The following TMEM232 variants were observed in gnomAD, a reference collection of about 807,000 sequenced individuals.
The protein encoded by TMEM232 is transmembrane protein 232.
Under a neutral mutation model 78.8 loss-of-function variants are expected in TMEM232, and 80 were observed. That is an observed-to-expected ratio of 1.01 (90% CI 0.85 to 1.22). The LOEUF (loss-of-function observed/expected upper bound fraction) is 1.22. TMEM232 is among the 50% of genes most tolerant of loss of function. The probability of loss-of-function intolerance (pLI) is 0.00; values close to 1 mark genes in which losing one functional copy is unlikely to be tolerated. For synonymous variants in TMEM232, 297 were observed against 254.3 expected (o/e 1.17, Z -1.60); for missense variants, 881 against 742.2 (o/e 1.19, Z -2.17).
At chr5:110,702,928 A>C (rs576492741) in intron 1 of TMEM232, among the ~76,000 whole-genome samples, 1 of 152,182 alleles carries the variant, frequency 6.6e-6, no homozygotes, top group African/African-American at 2.4e-5. Flanking sequence ...AATGTTATGA[A>C]AGCAAAAAGA....
intron 8 of TMEM232, among the ~76,000 whole-genome samples, chr5:110,607,982 T>C (rs544379463): frequency 2.6e-4 from 40 of 152,006 alleles, no homozygotes; most frequent in Admixed American, 1.9e-3. Context: ...ACTGCACTAC[T>C]TGTCATGTGC....
At chr5:110,596,140 G>C (rs1561351926) in intron 10 of TMEM232, among the ~76,000 whole-genome samples, 1 of 152,220 alleles carries the variant, frequency 6.6e-6, no homozygotes. Context: ...TTAAAGAAAA[G>C]ATAAGCATCA....
intron 12 of TMEM232, among the ~76,000 whole-genome samples, chr5:110,453,631 A>G (rs1292686808): frequency 6.6e-6 from 1 of 152,198 alleles, no homozygotes; most frequent in Non-Finnish European, 1.5e-5. Flanking sequence ...TATTCAGAGC[A>G]AATTTATCAG....
intron 11 of TMEM232, among the ~76,000 whole-genome samples, chr5:110,537,861 T>C (rs1160707177): frequency 6.6e-6 from 1 of 152,208 alleles, no homozygotes; most frequent in Non-Finnish European, 1.5e-5. Flanking sequence ...TAGCCGTTGC[T>C]CTCTCATGGA....
At chr5:110,541,813 C>A (rs1050453324) in intron 11 of TMEM232, among the ~76,000 whole-genome samples, 1 of 152,104 alleles carries the variant, frequency 6.6e-6, no homozygotes, top group African/African-American at 2.4e-5. Flanking sequence ...CCAGAAACAG[C>A]CAGTTTAGTA....
intron 10 of TMEM232, among the ~76,000 whole-genome samples, chr5:110,594,477 G>A (rs1779909319): frequency 6.6e-6 from 1 of 152,112 alleles, no homozygotes. Flanking sequence ...AACCTGGAAA[G>A]GGGGCTGAAA....
intron 12 of TMEM232, among the ~76,000 whole-genome samples, chr5:110,502,962 G>C (rs1205934651): frequency 1.3e-5 from 2 of 152,100 alleles, no homozygotes; most frequent in African/African-American, 4.8e-5. Context: ...AAAACAATCT[G>C]TAATTACTTC....
At chr5:110,705,843 G>A (rs1795883219) in intron 1 of TMEM232, among the ~76,000 whole-genome samples, 2 of 150,818 alleles carry the variant, frequency 1.3e-5, no homozygotes, top group African/African-American at 4.9e-5. Context: ...AGGAAGAATG[G>A]TACTGTCCCC....
chr5:110,606,353 AT>A, intron 8 of TMEM232, 66 bp from the exon 9 acceptor site: 2 of 1,406,302 alleles, frequency 1.4e-6, no homozygotes, highest in South Asian at 3.3e-5. Flanking sequence ...TCAACTTTTA[AT>A]GTGAAAAAAT....
At chr5:110,667,440 AT>A in intron 1 of TMEM232, 76 bp from the exon 2 acceptor site, 1 of 1,217,062 alleles carries the variant, frequency 8.2e-7, no homozygotes, top group Non-Finnish European at 1.1e-6. Flanking sequence ...CAAATTCATT[AT>A]TTTTGGAAAA....
At chr5:110,394,433 C>A (rs777086656) in intron 3 of TMEM232, among the ~76,000 whole-genome samples, 1 of 152,180 alleles carries the variant, frequency 6.6e-6, no homozygotes, top group Non-Finnish European at 1.5e-5. Context: ...GATTTCTTAT[C>A]AATATACTGA....
chr5:110,496,282 T>C lies in TMEM232; in HGVS notation c.1703+32306A>G, dbSNP rs183440328. On this transcript the variant is annotated intron_variant, in intron 12 of 13. Coordinates refer to ENST00000455884, the MANE Select transcript of TMEM232 (RefSeq NM_001039763.4). Reference sequence around the variant, plus strand: ...AAATGATCGTTAATGCAGTTTTATTTCATAAAAACAAGTGTTACTTTTTCA... The same window carrying C: ...AAATGATCGTTAATGCAGTTTTATTCCATAAAAACAAGTGTTACTTTTTCA... Among the ~76,000 whole-genome samples the C allele has an allele frequency of 1.2e-4, 19 of 152,110 alleles. No homozygotes were observed. The East Asian group carries it at 3.7e-3, about 29-fold the overall frequency.
At position 110,601,150 on chromosome 5, in the gene TMEM232, A is replaced by G. The variant is rs566856634; in HGVS notation, c.1276+3959T>C. 2.0e-5 allele frequency among the ~76,000 whole-genome samples: 3 copies of G among 152,302 alleles called. No individual in the cohort carries two copies. In the East Asian group the frequency reaches 5.8e-4, roughly 29 times the overall value. On this transcript the variant is annotated intron_variant, in intron 10 of 13. Coordinates refer to ENST00000455884, the MANE Select transcript of TMEM232 (RefSeq NM_001039763.4). ...CTCAATAAACTGGGTATTGATGAAC[A>G]TATCTCAAAACAATAAGAGCCATCA...
At chr5:110,579,735 C>T (rs1443485368) in intron 10 of TMEM232, among the ~76,000 whole-genome samples, 5 of 151,566 alleles carry the variant, frequency 3.3e-5, no homozygotes, top group African/African-American at 1.2e-4. Flanking sequence ...AACACATACA[C>T]ACACACACAA....
intron 12 of TMEM232, among the ~76,000 whole-genome samples, chr5:110,444,571 C>T (rs964788426): frequency 6.6e-6 from 1 of 152,188 alleles, no homozygotes; most frequent in Admixed American, 6.5e-5. Context: ...AGTTGTTTAA[C>T]TTTGGTGTTC....
At chr5:110,400,535 A>C (rs1309964026) in intron 2 of TMEM232, among the ~76,000 whole-genome samples, 2 of 152,052 alleles carry the variant, frequency 1.3e-5, no homozygotes, top group East Asian at 3.9e-4. Context: ...TATAAGACAT[A>C]CATCAGATGT....
chr5:110,517,337 AG>A (rs1304106356), intron 12 of TMEM232, among the ~76,000 whole-genome samples: 2 of 152,248 alleles, frequency 1.3e-5, no homozygotes, highest in Non-Finnish European at 2.9e-5. Context: ...ATCAAGCAAA[AG>A]GATGAAACAC....
intron 2 of TMEM232, among the ~76,000 whole-genome samples, chr5:110,644,100 G>A (rs191793626): frequency 1.3e-5 from 2 of 151,900 alleles, no homozygotes; most frequent in African/African-American, 4.8e-5. Context: ...AAGAGTTGAG[G>A]TGTTACAACA....
chr5:110,425,047 G>T, intron 12 of TMEM232, 131 bp from the exon 13 acceptor site: 2 of 715,494 alleles, frequency 2.8e-6, no homozygotes, highest in Non-Finnish European at 4.6e-6. Flanking sequence ...AAGTATTTGT[G>T]TAGACTATGG....
Sources: gnomAD v4.1 joint callset for allele counts (sites outside exome capture counted in the v4.1 genomes callset) on GRCh38, gnomAD v4.1.1 for gene constraint, MANE v1.5 for transcripts, NCBI Gene and HGNC (gene_info 2026-07-23, HGNC 2026-07-21) for gene names.